POTEG: variants seen among roughly 807,000 people sequenced by gnomAD.
The protein encoded by POTEG is POTE ankyrin domain family member G.
Under a neutral mutation model 49.6 loss-of-function variants are expected in POTEG, and 2 were observed. The observed-to-expected ratio is 0.04, with a 90% confidence interval of 0.02 to 0.13. The LOEUF is 0.13. Ranked by LOEUF, POTEG falls within the 10% of genes least tolerant of loss-of-function variation. The pLI is 1.00. For synonymous variants in POTEG, 7 were observed against 186.6 expected (o/e 0.04, Z 7.84); for missense variants, 26 against 545.2 (o/e 0.05, Z 9.48).
At chr14:19,415,416 A>G (rs757545617) in intron 7 of POTEG, among the ~76,000 whole-genome samples, 2 of 145,176 alleles carry the variant, frequency 1.4e-5, no homozygotes, top group Non-Finnish European at 3.1e-5. Flanking sequence ...GGTCAATGAG[A>G]GACCACAACC....
At chr14:19,432,366 G>GTGTGTA (rs1555310346) in intron 1 of POTEG, among the ~76,000 whole-genome samples, 15 of 37,870 alleles carry the variant, frequency 4.0e-4, no homozygotes, top group East Asian at 1.2e-3. Flanking sequence ...AAGAAATTTT[G>GTGTGTA]TATATATATA....
chr14:19,415,829 A>ATTTTTTTTTTTTTTT (rs58833974), intron 7 of POTEG, among the ~76,000 whole-genome samples: 3 of 96,742 alleles, frequency 3.1e-5, no homozygotes, highest in African/African-American at 1.4e-4. Context: ...ATCTATTAAA[A>ATTTTTTTTTTTTTTT]TTTTTTTTTT....
chr14:19,432,368 A>G (rs867846446), intron 1 of POTEG, among the ~76,000 whole-genome samples: 3,250 of 32,896 alleles, frequency 0.099, 55 homozygotes, highest in Non-Finnish European at 0.14. Context: ...GAAATTTTGT[A>G]TATATATATA....
In POTEG at chr14:19,430,769, A is replaced by T. The variant is rs1263638873; in HGVS notation, c.522-1780T>A. On this transcript the variant is annotated intron_variant, in intron 1 of 10. Coordinates refer to ENST00000547848, the MANE Select transcript of POTEG (RefSeq NM_001005356.3). ...CTGTAGAGTAGGGCAATACATTTGCAATAGTAATATCATTTATATTTGCTA... is the reference window on the plus strand; with the variant it reads ...CTGTAGAGTAGGGCAATACATTTGCTATAGTAATATCATTTATATTTGCTA... 1.9e-4 allele frequency among the ~76,000 whole-genome samples: 20 copies of T among 105,292 alleles called. No individual in the cohort carries two copies. In the South Asian group the frequency reaches 6.0e-3, roughly 31 times the overall value. The allele number at this position is 105,292 out of a possible 152,430, so 69.1% of individuals were successfully genotyped here.
chr14:19,432,403 TACAC>T (rs1555310381), intron 1 of POTEG, among the ~76,000 whole-genome samples: 10 of 44,716 alleles, frequency 2.2e-4, no homozygotes, highest in African/African-American at 2.5e-4. Flanking sequence ...TATATATATA[TACAC>T]ACACATGTAT....
At chr14:19,432,452 A>G (rs1354013569) in intron 1 of POTEG, among the ~76,000 whole-genome samples, 2 of 67,342 alleles carry the variant, frequency 3.0e-5, no homozygotes, top group Non-Finnish European at 4.5e-5. Flanking sequence ...ATATACATAT[A>G]TATATACATA....
In POTEG at chr14:19,418,770, C is replaced by A. The variant is rs1440407208; in HGVS notation, c.1127-2412G>T. Among the ~76,000 whole-genome samples, 35 of 23,958 alleles carry A rather than the reference C, an allele frequency of 1.5e-3. 1 individual carries two copies. The Admixed American group carries it at 0.019, about 13-fold the overall frequency. 15.7% of individuals were successfully genotyped at this position (23,958 alleles called of 152,430 possible). On this transcript the variant is annotated intron_variant, in intron 6 of 10. Transcript: ENST00000547848. Reference sequence around the variant, plus strand: ...TCTAGGTTAAATACTAGTGTACAACCTGGAAACCTGTACATCATCTGAGAT... The same window carrying A: ...TCTAGGTTAAATACTAGTGTACAACATGGAAACCTGTACATCATCTGAGAT...
chr14:19,432,354 AAAAG>A (rs1422702698), intron 1 of POTEG, among the ~76,000 whole-genome samples: 3 of 95,642 alleles, frequency 3.1e-5, no homozygotes, highest in Non-Finnish European at 6.7e-5. Flanking sequence ...TCAAAAAAAA[AAAAG>A]AAATTTTGTA....
chr14:19,432,460 A>ATGTGTGTATACG (rs1404917272), intron 1 of POTEG, among the ~76,000 whole-genome samples: 21 of 86,974 alleles, frequency 2.4e-4, no homozygotes, highest in African/African-American at 1.1e-3. Context: ...ATATATATAC[A>ATGTGTGTATACG]TATATACATA....
At chr14:19,426,588 A>G (rs1220310263) in intron 3 of POTEG, 3 of 380,252 alleles carry the variant, frequency 7.9e-6, no homozygotes, top group Non-Finnish European at 1.5e-5. Context: ...AAACTACTAA[A>G]GACCTTCTGA....
At position 19,413,351 on chromosome 14, in the gene POTEG, T is replaced by TA. The variant is rs1433510093; in HGVS notation, c.1409+2dup. The stretch of plus-strand genomic sequence containing the variant: ...CTCCTGTTCAATGTTGCCACAGACT[T>TA]ACCTGTGATACTGTTCATTCTCAGT... On this transcript the variant is annotated splice_region_variant and intron_variant, in intron 9 of 10. Transcript: ENST00000547848. 3.5e-6 allele frequency: 4 copies of TA among 1,132,746 alleles called. No individual in the cohort carries two copies. The highest frequency in any genetic ancestry group is 4.8e-6 in the Non-Finnish European group (4 of 840,524). 70.2% of individuals were successfully genotyped at this position (1,132,746 alleles called of 1,614,324 possible).
intron 7 of POTEG, among the ~76,000 whole-genome samples, 154 bp from the exon 8 acceptor site, chr14:19,414,760 A>T (rs1486840768): frequency 1.0e-3 from 154 of 147,722 alleles, no homozygotes; most frequent in African/African-American, 3.6e-3. Flanking sequence ...TAAAAAAATA[A>T]ATAATAATTA....
intron 9 of POTEG, among the ~76,000 whole-genome samples, chr14:19,407,103 G>GA (rs1383777083): frequency 1.3e-5 from 2 of 149,686 alleles, no homozygotes; most frequent in Middle Eastern, 3.5e-3. Flanking sequence ...CAAAATAAAA[G>GA]AAATCGTACT....
At chr14:19,426,438 A>T (rs1178605454) in intron 3 of POTEG, among the ~76,000 whole-genome samples, 10 of 151,924 alleles carry the variant, frequency 6.6e-5, no homozygotes, top group Admixed American at 6.6e-4. Context: ...ATTGATAAAA[A>T]ACAGTTTAGA....
In POTEG at chr14:19,433,279, A is replaced by G. The variant is rs900757663; in HGVS notation, c.521+490T>C. On this transcript the variant is annotated intron_variant, in intron 1 of 10. Transcript: ENST00000547848. ...ATCTTCCTATTCAAGCACAAGAACC[A>G]TCTTCCCATTTCAGTTCTTCTAAGT... 1.2e-4 allele frequency among the ~76,000 whole-genome samples: 14 copies of G among 119,044 alleles called. 1 individual carries two copies. The highest frequency in any genetic ancestry group is 2.0e-4 in the Non-Finnish European group (11 of 56,264). The allele number at this position is 119,044 out of a possible 152,430, so 78.1% of individuals were successfully genotyped here. A position where few individuals can be genotyped will look rare whatever the true frequency, so the allele number is the denominator to read the frequency against.
intron 7 of POTEG, among the ~76,000 whole-genome samples, chr14:19,415,828 AATTT>A (rs1566376909): frequency 3.8e-5 from 5 of 132,878 alleles, no homozygotes; most frequent in South Asian, 2.4e-4. Flanking sequence ...AATCTATTAA[AATTT>A]TTTTTTTTTT....
intron 7 of POTEG, among the ~76,000 whole-genome samples, chr14:19,415,832 T>TC (rs1883538387): frequency 4.4e-4 from 2 of 4,566 alleles, no homozygotes; most frequent in Non-Finnish European, 8.9e-4. Flanking sequence ...TATTAAAATT[T>TC]TTTTTTTTTT....
At chr14:19,424,879 G>A (rs1883892416) in intron 4 of POTEG, 1 of 82,834 alleles carries the variant, frequency 1.2e-5, no homozygotes, top group Admixed American at 1.2e-4. Flanking sequence ...GGTAAATAAC[G>A]TTCCCAAGGT....
At chr14:19,415,102 C>A (rs530857886) in intron 7 of POTEG, among the ~76,000 whole-genome samples, 3 of 145,158 alleles carry the variant, frequency 2.1e-5, no homozygotes, top group Admixed American at 1.4e-4. Context: ...TATTAGGAGC[C>A]GAAATCAACA....
Sources: allele counts gnomAD v4.1 joint callset (sites outside exome capture counted in the v4.1 genomes callset), GRCh38; gene constraint gnomAD v4.1.1; transcripts MANE v1.5; gene names NCBI Gene and HGNC (gene_info 2026-07-23, HGNC 2026-07-21).